SUN3: variants seen among roughly 807,000 people sequenced by gnomAD.
SUN3 encodes the protein Sad1 and UNC84 domain containing 3.
A neutral mutation model predicts 48.2 loss-of-function variants in SUN3; 36 were observed. The observed-to-expected ratio is 0.75, with a 90% CI of 0.57 to 0.99. The LOEUF (loss-of-function observed/expected upper bound fraction) is 0.99. Ranked by LOEUF, SUN3 falls within the 50% of genes least tolerant of loss-of-function variation. The probability of loss-of-function intolerance (pLI) is 0.00; values close to 1 mark genes in which losing one functional copy is unlikely to be tolerated. For missense variants in SUN3, 419 were observed against 433.1 expected (o/e 0.97, Z 0.29); for synonymous variants, 148 against 147.9 (o/e 1.00, Z 0.00).
chr7:48,031,389 C>A (rs1304532389), upstream of SUN3, among the ~76,000 whole-genome samples: 2 of 152,144 alleles, frequency 1.3e-5, no homozygotes, highest in African/African-American at 4.8e-5. Flanking sequence ...GCTAGTGTTG[C>A]ACAAAGTGGT....
At chr7:48,035,050 T>TAAAAA in the SUN3 span, among the ~76,000 whole-genome samples, 1 of 152,242 alleles carries the variant, frequency 6.6e-6, no homozygotes, top group Non-Finnish European at 1.5e-5. The surrounding 1 kb of genome is among the most constrained non-coding windows in gnomAD (Gnocchi z 4.0). Context: ...CTGCATCTCA[T>TAAAAA]TAGTAAATTC....
At chr7:48,024,361 T>G (rs958265898) in intron 2 of SUN3, among the ~76,000 whole-genome samples, 2 of 152,144 alleles carry the variant, frequency 1.3e-5, no homozygotes, top group Non-Finnish European at 2.9e-5. Context: ...CAAAAGACTT[T>G]AATGGACATG....
intron 1 of SUN3, among the ~76,000 whole-genome samples, chr7:48,026,888 A>G (rs1295758299): frequency 6.6e-6 from 1 of 152,162 alleles, no homozygotes; most frequent in Non-Finnish European, 1.5e-5. Flanking sequence ...AACTGTTAAA[A>G]AAAGTAAATT....
At chr7:48,025,669 T>C (rs1487060893) in intron 2 of SUN3, among the ~76,000 whole-genome samples, 1 of 152,202 alleles carries the variant, frequency 6.6e-6, no homozygotes, top group Non-Finnish European at 1.5e-5. Context: ...AAGAAAAATC[T>C]CCTTTCTAAA....
At chr7:48,016,675 T>C (rs1358989564) in intron 3 of SUN3, among the ~76,000 whole-genome samples, 5 of 152,236 alleles carry the variant, frequency 3.3e-5, no homozygotes, top group African/African-American at 4.8e-5. Context: ...TTATTTGCCA[T>C]TTTATTTGTG....
chr7:48,030,962 C>G (rs1386895059), upstream of SUN3, among the ~76,000 whole-genome samples: 1 of 152,170 alleles, frequency 6.6e-6, no homozygotes, highest in Non-Finnish European at 1.5e-5. Context: ...GGACAGTTAT[C>G]TTACACCATA....
chr7:48,014,770 T>C (rs1330004449), intron 3 of SUN3, among the ~76,000 whole-genome samples: 1 of 152,070 alleles, frequency 6.6e-6, no homozygotes, highest in Non-Finnish European at 1.5e-5. Flanking sequence ...TAGAGAGAGA[T>C]TTATTTTGAG....
chr7:48,035,553 G>C, the SUN3 span: 1 of 698,528 alleles, frequency 1.4e-6, no homozygotes, highest in Non-Finnish European at 2.6e-6. The surrounding 1 kb of genome is among the most constrained non-coding windows in gnomAD (Gnocchi z 4.0). Context: ...GGGTTTGGTT[G>C]GCTGCAGCCA....
chr7:47,995,608 T>C (rs1789189107), intron 7 of SUN3, among the ~76,000 whole-genome samples: 1 of 152,224 alleles, frequency 6.6e-6, no homozygotes, highest in African/African-American at 2.4e-5. Context: ...TCTCCTGTTA[T>C]AATTAGACTT....
Position 47,988,983 on chromosome 7 carries a change from G to A in SUN3, c.862-103C>T, listed in dbSNP as rs557231903. The A allele has an allele frequency of 1.1e-4, 77 of 675,344 alleles. No homozygotes were observed. In the Admixed American group the frequency reaches 1.5e-3, roughly 13 times the overall value. 41.8% of individuals were successfully genotyped at this position (675,344 alleles called of 1,614,324 possible). A position where few individuals can be genotyped will look rare whatever the true frequency, so the allele number is the denominator to read the frequency against. On this transcript the variant is annotated intron_variant, in intron 8 of 9. Coordinates refer to ENST00000297325, the MANE Select transcript of SUN3 (RefSeq NM_001030019.2). Reference sequence around the variant, plus strand: ...AAATATCTCTGTGTGTCCACCAGGGGCACAGTGCTGTGATCATGCCAGTAC... The same window carrying A: ...AAATATCTCTGTGTGTCCACCAGGGACACAGTGCTGTGATCATGCCAGTAC...
At chr7:48,020,964 T>C (rs770746623) in intron 2 of SUN3, among the ~76,000 whole-genome samples, 2 of 152,032 alleles carry the variant, frequency 1.3e-5, no homozygotes, top group African/African-American at 2.4e-5. Flanking sequence ...AGACCCCAAA[T>C]AGTCAAAGCT....
intron 3 of SUN3, among the ~76,000 whole-genome samples, chr7:48,017,017 T>C (rs545291879): frequency 3.2e-4 from 48 of 152,292 alleles, no homozygotes; most frequent in African/African-American, 1.1e-3. Context: ...TTCAGAGCTC[T>C]TATGACCCAA....
chr7:48,023,785 G>A (rs1329997205), intron 2 of SUN3, among the ~76,000 whole-genome samples: 3 of 152,160 alleles, frequency 2.0e-5, no homozygotes, highest in Non-Finnish European at 4.4e-5. Flanking sequence ...TTCATGAATT[G>A]GAAGATTTAC....
intron 3 of SUN3, among the ~76,000 whole-genome samples, chr7:48,014,979 T>C (rs1448938985): frequency 6.6e-6 from 1 of 152,188 alleles, no homozygotes; most frequent in African/African-American, 2.4e-5. Context: ...TTGTAGAGGG[T>C]AGTCTTCTGT....
chr7:47,996,961 C>T (rs777450646), intron 6 of SUN3, among the ~76,000 whole-genome samples: 7 of 151,928 alleles, frequency 4.6e-5, no homozygotes, highest in Admixed American at 2.0e-4. Context: ...GCCACCACGC[C>T]GGCTAAGTTT....
At position 48,016,219 on chromosome 7, in the gene SUN3, T is replaced by C. The variant is rs1356390516; in HGVS notation, c.288+1043A>G. 2.6e-5 allele frequency among the ~76,000 whole-genome samples: 4 copies of C among 152,220 alleles called. No homozygotes were observed. In the East Asian group the frequency reaches 7.7e-4, roughly 29 times the overall value. On this transcript the variant is annotated intron_variant, in intron 3 of 9. Coordinates refer to ENST00000297325, the MANE Select transcript of SUN3 (RefSeq NM_001030019.2). Reference sequence around the variant, plus strand: ...CTCACTTTGACTCTCTACGATTCCATCTCCAACCTGACCAATCAGCACTCC... The same window carrying C: ...CTCACTTTGACTCTCTACGATTCCACCTCCAACCTGACCAATCAGCACTCC...
chr7:48,016,407 C>T (rs903132062), intron 3 of SUN3, among the ~76,000 whole-genome samples: 1 of 152,170 alleles, frequency 6.6e-6, no homozygotes, highest in South Asian at 2.1e-4. Context: ...GATAAATTGG[C>T]TCTGTCAAGG....
At chr7:48,006,595 A>T (rs1789531961) in intron 5 of SUN3, among the ~76,000 whole-genome samples, 1 of 152,222 alleles carries the variant, frequency 6.6e-6, no homozygotes, top group South Asian at 2.1e-4. Flanking sequence ...CAGGCGTAAC[A>T]GTTCAAGTTC....
intron 1 of SUN3, among the ~76,000 whole-genome samples, chr7:48,026,776 T>C (rs962755396): frequency 1.3e-5 from 2 of 151,946 alleles, no homozygotes; most frequent in Admixed American, 6.6e-5. Flanking sequence ...CTTTGTGCAG[T>C]CAGAAGAAAG....
Sources: gnomAD v4.1 joint callset for allele counts (sites outside exome capture counted in the v4.1 genomes callset) on GRCh38, gnomAD v4.1.1 for gene constraint, Gnocchi (gnomAD v3.1) non-coding constraint, MANE v1.5 for transcripts, NCBI Gene and HGNC (gene_info 2026-07-23, HGNC 2026-07-21) for gene names.